The following LPP variants were observed in gnomAD, a reference collection of about 807,000 sequenced individuals.
The protein encoded by LPP is lipoma-preferred partner.
Under a neutral mutation model 60.4 loss-of-function variants are expected in LPP, and 38 were observed. The observed-to-expected ratio is 0.63, with a 90% CI of 0.49 to 0.83. The LOEUF (loss-of-function observed/expected upper bound fraction) is 0.83. LPP is among the 40% of genes least tolerant of loss of function. LPP has a pLI of 0.00. For missense variants in LPP, 902 were observed against 783.6 expected, an observed-to-expected ratio of 1.15 and a Z score of -1.80; for synonymous variants, 328 against 290.8, an observed-to-expected ratio of 1.13 and a Z score of -1.30.
intron 9 of LPP, among the ~76,000 whole-genome samples, chr3:188,833,122 G>T (rs71308936): frequency 1.3e-5 from 2 of 152,030 alleles, no homozygotes; most frequent in Non-Finnish European, 2.9e-5. Context: ...GCAAATGATT[G>T]CAAATGATGA....
intron 3 of LPP, among the ~76,000 whole-genome samples, chr3:188,348,141 TTTTC>T (rs1163808435): frequency 2.0e-5 from 3 of 151,904 alleles, no homozygotes; most frequent in African/African-American, 7.3e-5. Flanking sequence ...ACCCTTTTTC[TTTTC>T]TTTCTTTCTT....
intron 1 of LPP, among the ~76,000 whole-genome samples, chr3:188,170,414 T>C (rs13096768): frequency 0.082 from 12,022 of 146,900 alleles, 564 homozygotes; most frequent in East Asian, 0.1. Flanking sequence ...GACTGCAACC[T>C]CCGCCTCCCA....
intron 1 of LPP, among the ~76,000 whole-genome samples, chr3:188,198,676 T>C (rs538900497): frequency 1.3e-5 from 2 of 152,206 alleles, no homozygotes; most frequent in African/African-American, 4.8e-5. Flanking sequence ...TTGGGTCCCA[T>C]GTTTATGTTG....
At chr3:188,659,840 A>ACACACACACACAC (rs58197493) in intron 7 of LPP, among the ~76,000 whole-genome samples, 1 of 61,108 alleles carries the variant, frequency 1.6e-5, no homozygotes, top group African/African-American at 4.5e-5. Flanking sequence ...ACACACACAC[A>ACACACACACACAC]TCATTTAAGA....
At chr3:188,562,969 TG>T (rs1399402479) in intron 6 of LPP, among the ~76,000 whole-genome samples, 2 of 152,082 alleles carry the variant, frequency 1.3e-5, no homozygotes, top group East Asian at 3.9e-4. Flanking sequence ...TTGAGATTTG[TG>T]GAGTGCCTAG....
At chr3:188,193,954 TG>T (rs1728859920) in intron 1 of LPP, among the ~76,000 whole-genome samples, 1 of 152,240 alleles carries the variant, frequency 6.6e-6, no homozygotes, top group Non-Finnish European at 1.5e-5. Context: ...TGGATTCTGA[TG>T]AACAAGGTTT....
intron 4 of LPP, among the ~76,000 whole-genome samples, chr3:188,444,495 A>G (rs941622831): frequency 1.3e-5 from 2 of 152,186 alleles, no homozygotes; most frequent in East Asian, 1.9e-4. Context: ...AAGAAAATAT[A>G]TAAGCATGAA....
chr3:188,322,373 G>A (rs1279603792), intron 2 of LPP, among the ~76,000 whole-genome samples: 2 of 152,116 alleles, frequency 1.3e-5, no homozygotes, highest in African/African-American at 4.8e-5. Context: ...GTTGGGTGAG[G>A]GAGCAGGCTT....
chr3:188,681,207 G>A (rs1014075084), intron 7 of LPP, among the ~76,000 whole-genome samples: 2 of 152,122 alleles, frequency 1.3e-5, no homozygotes, highest in African/African-American at 2.4e-5. Context: ...TGTTGGCCAG[G>A]ATGGTCTCGA....
chr3:188,555,549 G>A (rs1305698954), intron 6 of LPP, among the ~76,000 whole-genome samples: 1 of 152,028 alleles, frequency 6.6e-6, no homozygotes, highest in Non-Finnish European at 1.5e-5. Context: ...AACAACTATT[G>A]TGAGCAGATC....
intron 9 of LPP, among the ~76,000 whole-genome samples, chr3:188,783,540 A>G (rs1322573727): frequency 7.8e-6 from 1 of 127,788 alleles, no homozygotes; most frequent in Non-Finnish European, 1.6e-5. Flanking sequence ...AACAACAAGC[A>G]CTGGGATCTA....
In LPP at chr3:188,281,744, G is replaced by A. The variant is rs184912245; in HGVS notation, c.-67+56217G>A. Among the ~76,000 whole-genome samples the A allele has an allele frequency of 1.1e-3, 164 of 151,596 alleles. 3 individuals carry two copies. The highest frequency in any genetic ancestry group is 7.3e-3 in the Admixed American group (111 of 15,220). ...TCTTTCTTTCTTCCAAGAAGTTACC[G>A]TCATTAGCAATTTGCCATGTGTCTA... On this transcript the variant is annotated intron_variant, in intron 2 of 11. Coordinates refer to ENST00000617246, the MANE Select transcript of LPP (RefSeq NM_001375462.1).
At chr3:188,394,065 G>A (rs1780327085) in intron 3 of LPP, among the ~76,000 whole-genome samples, 1 of 152,136 alleles carries the variant, frequency 6.6e-6, no homozygotes, top group Non-Finnish European at 1.5e-5. Context: ...TTTTGCTAAG[G>A]AAAAGTTTGA....
chr3:188,645,294 GGAGA>G (rs142597452), intron 7 of LPP, among the ~76,000 whole-genome samples: 1 of 145,904 alleles, frequency 6.9e-6, no homozygotes, highest in Admixed American at 6.7e-5. Context: ...AGGAAGGGTT[GGAGA>G]GAGAGAGAGA....
intron 5 of LPP, among the ~76,000 whole-genome samples, chr3:188,500,078 T>C (rs1359540078): frequency 1.3e-5 from 2 of 152,142 alleles, no homozygotes; most frequent in Non-Finnish European, 2.9e-5. Flanking sequence ...TTCTTTCTTT[T>C]TAATTTTGAC....
chr3:188,657,752 T>C (rs9830963), intron 7 of LPP, among the ~76,000 whole-genome samples: 149,872 of 152,264 alleles, frequency 0.98, 73,800 homozygotes, highest in East Asian at 1. Context: ...TACAATTGTT[T>C]CTCTATAGAG....
chr3:188,672,547 GGGT>G (rs933983414), intron 7 of LPP, among the ~76,000 whole-genome samples: 7 of 152,126 alleles, frequency 4.6e-5, no homozygotes, highest in Admixed American at 6.5e-5. Flanking sequence ...TTGATGGAGG[GGGT>G]GGTGGGGATA....
At chr3:188,731,186 C>CCTA (rs1720339319) in intron 8 of LPP, among the ~76,000 whole-genome samples, 1 of 152,188 alleles carries the variant, frequency 6.6e-6, no homozygotes, top group Non-Finnish European at 1.5e-5. Context: ...CTAGACATAA[C>CCTA]AATCCTGGTC....
intron 7 of LPP, among the ~76,000 whole-genome samples, chr3:188,618,400 GA>G (rs1404027437): frequency 1.3e-5 from 2 of 152,092 alleles, no homozygotes; most frequent in Non-Finnish European, 2.9e-5. Context: ...TCTCATATAA[GA>G]AAAACTCTGT....
Sources: allele counts gnomAD v4.1 joint callset (sites outside exome capture counted in the v4.1 genomes callset), GRCh38; gene constraint gnomAD v4.1.1; transcripts MANE v1.5; gene names NCBI Gene and HGNC (gene_info 2026-07-23, HGNC 2026-07-21).